Variants in HERC2 observed in about 807,000 individuals in gnomAD.
The protein encoded by HERC2 is E3 ubiquitin-protein ligase HERC2.
Under a neutral mutation model 537.7 loss-of-function variants are expected in HERC2, and 102 were observed. That is an observed-to-expected ratio of 0.19 (90% confidence interval 0.16 to 0.22). The LOEUF (loss-of-function observed/expected upper bound fraction) is 0.22, where lower values mean the gene tolerates loss of function less well. Ranked by LOEUF, HERC2 falls within the 10% of genes least tolerant of loss-of-function variation. The pLI, the probability that HERC2 is intolerant of heterozygous loss-of-function variation, is 1.00. For synonymous variants in HERC2, 2,224 were observed against 2,466.2 expected (o/e 0.90, Z 2.91); for missense variants, 4,236 against 6,198.2 (o/e 0.68, Z 10.63).
intron 86 of HERC2, chr15:28,117,471 A>G (rs1409179920): frequency 3.1e-6 from 2 of 641,228 alleles, no homozygotes; most frequent in African/African-American, 1.8e-5. Context: ...GCGGCCCGGC[A>G]GCACCACCCT....
chr15:28,141,274 A>G (rs1891199716), intron 78 of HERC2, among the ~76,000 whole-genome samples, 158 bp downstream of exon 78: 1 of 152,010 alleles, frequency 6.6e-6, no homozygotes, highest in Admixed American at 6.5e-5. Context: ...TTATACAAAA[A>G]TATCTTAGAA....
chr15:28,198,356 T>G (rs1897553954), intron 50 of HERC2, 22 bp downstream of exon 50: 1 of 1,605,886 alleles, frequency 6.2e-7, no homozygotes, highest in African/African-American at 1.3e-5. Context: ...CATCAGGAAT[T>G]TTATTACCCA....
chr15:28,167,778 G>A lies in HERC2; in HGVS notation c.10463C>T (p.Ala3488Val). The A allele has an allele frequency of 1.9e-6, 3 of 1,614,188 alleles. No individual in the cohort carries two copies. The highest frequency in any genetic ancestry group is 2.5e-6 in the Non-Finnish European group (3 of 1,180,020). ...AAAAGGCCGAGCGGAGGCTGAGGGG[G>A]CCGACGGAGTCACTGCAGAGGGGGT... ...AVTPSAVTPS[A>V]PSASARPFIP... Residue 3488 changes from alanine to valine, a missense_variant, in exon 68 of 93, where the codon GCC becomes GTC. Around this residue, in one of 27 missense-constraint regions of HERC2, gnomAD observed 356 missense variants for 450.9 expected, o/e 0.79. Transcript: ENST00000261609.
intron 2 of HERC2, among the ~76,000 whole-genome samples, chr15:28,306,266 T>G (rs910472156): frequency 2.0e-5 from 3 of 152,146 alleles, no homozygotes; most frequent in Admixed American, 6.5e-5. Context: ...TTTTTGGGGG[T>G]TTTTATCATG....
At chr15:28,259,871 C>T (rs1178194452) in intron 16 of HERC2, among the ~76,000 whole-genome samples, 2 of 149,480 alleles carry the variant, frequency 1.3e-5, no homozygotes, top group African/African-American at 2.5e-5. Context: ...AGGAGGCTGA[C>T]GCAGGAGAAT....
chr15:28,250,691 CA>C (rs1299390036), intron 20 of HERC2, among the ~76,000 whole-genome samples: 1 of 152,116 alleles, frequency 6.6e-6, no homozygotes, highest in Non-Finnish European at 1.5e-5. Flanking sequence ...GAAATGTCTC[CA>C]AAAGTCTCTT....
intron 67 of HERC2, 21 bp from the exon 68 acceptor site, chr15:28,167,848 A>G: frequency 1.3e-6 from 2 of 1,583,362 alleles, no homozygotes; most frequent in Non-Finnish European, 8.6e-7. Flanking sequence ...AGTGCACAGT[A>G]GGGGAAGTTT....
intron 4 of HERC2, 144 bp from the exon 5 acceptor site, chr15:28,280,431 G>A: frequency 4.6e-6 from 3 of 650,716 alleles, no homozygotes; most frequent in Non-Finnish European, 7.8e-6. Context: ...TTACACACAT[G>A]AGCTCAGGCA....
At chr15:28,208,685 C>G (rs939383438) in intron 44 of HERC2, among the ~76,000 whole-genome samples, 1 of 152,156 alleles carries the variant, frequency 6.6e-6, no homozygotes. Flanking sequence ...CTGCTCAACA[C>G]GCTTCCAAAG....
chr15:28,186,698 A>C lies in HERC2; in HGVS notation c.8704T>G (p.Cys2902Gly). The change falls in exon 56 of 93, where the codon TGT (cysteine) becomes GGT (glycine). Residue 2902 changes from cysteine (C) to glycine (G), a missense_variant. By Grantham distance (159) the Cys-to-Gly change is radical. Transcript: ENST00000261609. Reference sequence around the variant, plus strand: ...AGCAGGATGAGACCATGGATTTTACAATCGATTCCTGAGCTCCTGCACTGC... The same window carrying C: ...AGCAGGATGAGACCATGGATTTTACCATCGATTCCTGAGCTCCTGCACTGC... The part of the protein sequence containing the change: ...IKQCRSSGID[C>G]KIHGLILLGR... The C allele has an allele frequency of 6.2e-7, 1 of 1,614,112 alleles. No homozygotes were observed. The highest frequency in any genetic ancestry group is 8.5e-7 in the Non-Finnish European group (1 of 1,179,948).
chr15:28,166,231 C>T (rs1894125100), intron 68 of HERC2, among the ~76,000 whole-genome samples: 1 of 152,124 alleles, frequency 6.6e-6, no homozygotes, highest in South Asian at 2.1e-4. Flanking sequence ...ACTACAGAGC[C>T]GTATCCCTTA....
In HERC2 at chr15:28,246,876, C is replaced by A. The variant is rs1903762810; in HGVS notation, c.3257G>T (p.Gly1086Val). 1 of 1,609,202 alleles carries A rather than the reference C, an allele frequency of 6.2e-7. No individual in the cohort carries two copies. Among genetic ancestry groups the A allele is most frequent in the African/African-American group, 1.3e-5 (1 of 74,752 alleles). Residue 1086 changes from glycine (G) to valine (V), a missense_variant, in exon 22 of 93, where the codon GGT becomes GTT. Physicochemically the swap from Gly to Val is moderately radical, Grantham distance 109. Transcript: ENST00000261609. ...DISSPELMGVGSLLKKYTALL... is the reference protein window; with the variant it reads ...DISSPELMGVVSLLKKYTALL... ...GGCTGTGTACTTCTTCAGCAAGGAA[C>A]CAACACCCATTAGCTCTGGACCTTG... is the stretch of plus-strand genomic sequence containing the variant.
At chr15:28,116,061 G>A (rs1285033283) in intron 88 of HERC2, among the ~76,000 whole-genome samples, 1 of 152,184 alleles carries the variant, frequency 6.6e-6, no homozygotes, top group African/African-American at 2.4e-5. Context: ...TCCTCAGCAC[G>A]TGGCCGGGGC....
chr15:28,254,006 G>A (rs762130106), intron 20 of HERC2, among the ~76,000 whole-genome samples: 21 of 151,328 alleles, frequency 1.4e-4, no homozygotes, highest in African/African-American at 3.4e-4. Flanking sequence ...TAAATAGACC[G>A]GGAGTGGTGG....
chr15:28,187,825 A>G (rs1896456182), intron 55 of HERC2, among the ~76,000 whole-genome samples: 1 of 152,150 alleles, frequency 6.6e-6, no homozygotes, highest in Non-Finnish European at 1.5e-5. Flanking sequence ...CCATGCATTT[A>G]GTGGAGTTGG....
At chr15:28,154,620 C>G (rs1892795678) in intron 69 of HERC2, among the ~76,000 whole-genome samples, 1 of 152,204 alleles carries the variant, frequency 6.6e-6, no homozygotes, top group Non-Finnish European at 1.5e-5. Flanking sequence ...TCCAACCCAT[C>G]TCTTCCACCT....
At position 28,144,822 on chromosome 15, in the gene HERC2, AC is replaced by A. The variant is rs748059055; in HGVS notation, c.11009-19del. On this transcript the variant is annotated intron_variant, in intron 71 of 92. Coordinates refer to ENST00000261609, the MANE Select transcript of HERC2 (RefSeq NM_004667.6). Reference sequence around the variant, plus strand: ...CTCTCGGCCTGCGGGAGGAAAGCGCACCCCGGGGTTAGCTTCACTCCATCAT... The same window carrying A: ...CTCTCGGCCTGCGGGAGGAAAGCGCACCCGGGGTTAGCTTCACTCCATCAT... 62 of 1,613,376 alleles carry A rather than the reference AC, an allele frequency of 3.8e-5. No individual in the cohort carries two copies. Among genetic ancestry groups the A allele is most frequent in the Non-Finnish European group, 5.2e-5 (61 of 1,179,834 alleles).
chr15:28,199,797 C>A (rs1165921751), intron 48 of HERC2, among the ~76,000 whole-genome samples: 2 of 152,138 alleles, frequency 1.3e-5, no homozygotes, highest in African/African-American at 4.8e-5. Context: ...AATCACCCTC[C>A]AACCCTAACT....
chr15:28,240,150 G>A (rs1902914811), intron 23 of HERC2, among the ~76,000 whole-genome samples: 1 of 152,130 alleles, frequency 6.6e-6, no homozygotes, highest in South Asian at 2.1e-4. Flanking sequence ...AGGGCGCAGT[G>A]GCTCACGCCT....
Sources: allele counts gnomAD v4.1 joint callset (sites outside exome capture counted in the v4.1 genomes callset), GRCh38; gene constraint gnomAD v4.1.1; regional missense constraint gnomAD v4.1.1; transcripts MANE v1.5; gene names NCBI Gene and HGNC (gene_info 2026-07-23, HGNC 2026-07-21).